Variants in NRG3 observed in about 807,000 individuals in gnomAD.
NRG3 encodes pro-neuregulin-3, membrane-bound isoform.
In NRG3, 31 loss-of-function variants were observed where a neutral mutation model predicts 66.9. That is an observed-to-expected ratio of 0.46 (90% CI 0.35 to 0.63). The LOEUF is 0.63. Ranked by LOEUF, NRG3 falls within the 20% of genes least tolerant of loss-of-function variation. The pLI, the probability that NRG3 is intolerant of heterozygous loss-of-function variation, is 0.00. For missense variants in NRG3, 910 were observed against 878.9 expected (o/e 1.04, Z -0.45); for synonymous variants, 393 against 359.4 (o/e 1.09, Z -1.06).
intron 1 of NRG3, among the ~76,000 whole-genome samples, chr10:82,119,335 C>T (rs1271923087): frequency 2.0e-5 from 3 of 152,084 alleles, no homozygotes; most frequent in Non-Finnish European, 4.4e-5. Context: ...CTCTTTCTTT[C>T]TCTATTGACT....
At chr10:82,196,029 T>G (rs2074429941) in intron 1 of NRG3, among the ~76,000 whole-genome samples, 1 of 152,204 alleles carries the variant, frequency 6.6e-6, no homozygotes, top group Non-Finnish European at 1.5e-5. Context: ...TGTGTGCTGT[T>G]TTAAGCCATA....
chr10:82,940,328 CCT>C (rs1480486239), intron 4 of NRG3, among the ~76,000 whole-genome samples: 1 of 152,098 alleles, frequency 6.6e-6, no homozygotes, highest in African/African-American at 2.4e-5. Flanking sequence ...CTCTTTCTTG[CCT>C]CTTTCTTAGC....
rs565068194 is a variant in NRG3 at position 82,594,446 on chromosome 10, C to A, written c.954-144131C>A. Among the ~76,000 whole-genome samples, 3 of 152,104 alleles carry A rather than the reference C, an allele frequency of 2.0e-5. 1 individual carries two copies. The South Asian group carries it at 6.2e-4, about 32-fold the overall frequency. ...TTATTGGAGAAAAGTACAAGGATTT[C>A]TCAAAAATCATTTAAATGGTAACAT... is the stretch of plus-strand genomic sequence containing the variant. On this transcript the variant is annotated intron_variant, in intron 2 of 8. Coordinates refer to ENST00000372141, the MANE Select transcript of NRG3 (RefSeq NM_001010848.4).
At chr10:82,792,740 G>T (rs2060637351) in intron 3 of NRG3, among the ~76,000 whole-genome samples, 1 of 151,926 alleles carries the variant, frequency 6.6e-6, no homozygotes, top group Non-Finnish European at 1.5e-5. Context: ...GAGTGCAATG[G>T]CATGCCCTCA....
At chr10:82,776,229 A>G (rs989956933) in intron 3 of NRG3, among the ~76,000 whole-genome samples, 2 of 152,150 alleles carry the variant, frequency 1.3e-5, no homozygotes, top group Non-Finnish European at 2.9e-5. Context: ...TTCTTCTTTC[A>G]GCACTTTGAC....
intron 3 of NRG3, among the ~76,000 whole-genome samples, chr10:82,783,074 A>C (rs541360905): frequency 1.3e-5 from 2 of 152,318 alleles, no homozygotes; most frequent in South Asian, 2.1e-4. Context: ...CAATAAATGT[A>C]ATCCAGCATA....
At chr10:82,826,549 G>A (rs1039935439) in intron 3 of NRG3, among the ~76,000 whole-genome samples, 1 of 152,166 alleles carries the variant, frequency 6.6e-6, no homozygotes, top group African/African-American at 2.4e-5. Flanking sequence ...AGAAAATGTG[G>A]TACATATATA....
chr10:82,669,023 C>T (rs1355765314), intron 2 of NRG3, among the ~76,000 whole-genome samples: 1 of 152,068 alleles, frequency 6.6e-6, no homozygotes, highest in Non-Finnish European at 1.5e-5. Context: ...CCCTTCTCCT[C>T]GTTCTTCTTT....
chr10:82,318,037 C>T (rs1352717172), intron 1 of NRG3, among the ~76,000 whole-genome samples: 1 of 151,528 alleles, frequency 6.6e-6, no homozygotes, highest in Non-Finnish European at 1.5e-5. Flanking sequence ...CAAAATGGGG[C>T]AGGGGAACAA....
chr10:82,839,648 T>A (rs1399371503), intron 3 of NRG3, among the ~76,000 whole-genome samples: 1 of 151,752 alleles, frequency 6.6e-6, no homozygotes, highest in Non-Finnish European at 1.5e-5. Context: ...TATTTTTAGT[T>A]ATAATTTTAA....
At chr10:82,002,124 G>T (rs1477541078) in intron 1 of NRG3, among the ~76,000 whole-genome samples, 3 of 152,082 alleles carry the variant, frequency 2.0e-5, no homozygotes, top group African/African-American at 7.2e-5. Flanking sequence ...ATCCCTAATT[G>T]TATAAACTAA....
chr10:82,085,637 C>CT (rs953026372), intron 1 of NRG3, among the ~76,000 whole-genome samples: 8 of 149,340 alleles, frequency 5.4e-5, no homozygotes, highest in African/African-American at 1.5e-4. Context: ...CCATTCACCT[C>CT]TTTTTTTTTT....
At chr10:82,606,002 G>C (rs910287807) in intron 2 of NRG3, among the ~76,000 whole-genome samples, 1 of 151,870 alleles carries the variant, frequency 6.6e-6, no homozygotes, top group Admixed American at 6.6e-5. Context: ...GATTTTCTCT[G>C]TTGATTTCCC....
chr10:82,716,338 A>G (rs2056972476), intron 2 of NRG3, among the ~76,000 whole-genome samples: 1 of 152,164 alleles, frequency 6.6e-6, no homozygotes, highest in Non-Finnish European at 1.5e-5. Flanking sequence ...TTCCCCGTGA[A>G]CCTAGTTGTT....
intron 1 of NRG3, among the ~76,000 whole-genome samples, chr10:82,063,981 A>G (rs1158959597): frequency 1.3e-5 from 2 of 152,210 alleles, no homozygotes; most frequent in African/African-American, 4.8e-5. Flanking sequence ...TATTTCTGAA[A>G]GGAATCTTCT....
rs933496354 is a variant in NRG3 at position 82,760,898 on chromosome 10, T to G, written c.1027+22248T>G. Among the ~76,000 whole-genome samples the G allele has an allele frequency of 3.9e-5, 6 of 152,036 alleles. No homozygotes were observed. The South Asian group carries it at 1.2e-3, about 31-fold the overall frequency. On this transcript the variant is annotated intron_variant, in intron 3 of 8. Coordinates refer to ENST00000372141, the MANE Select transcript of NRG3 (RefSeq NM_001010848.4). ...GTATATTACAAATGTAAACTAAGTA[T>G]ATATTGTAAAAAAATTAAAAATATC... is the stretch of plus-strand genomic sequence containing the variant.
chr10:82,084,812 C>T (rs1235972195), intron 1 of NRG3, among the ~76,000 whole-genome samples: 1 of 152,078 alleles, frequency 6.6e-6, no homozygotes, highest in East Asian at 1.9e-4. Context: ...ATTGTCAGCT[C>T]CACTGAGTGC....
At chr10:82,281,042 T>C (rs2134439933) in intron 1 of NRG3, among the ~76,000 whole-genome samples, 1 of 152,324 alleles carries the variant, frequency 6.6e-6, no homozygotes, top group South Asian at 2.1e-4. Context: ...AAATGGCCCT[T>C]GTACAGAAAT....
chr10:81,884,380 G>A (rs566380860), intron 1 of NRG3, among the ~76,000 whole-genome samples: 7 of 152,150 alleles, frequency 4.6e-5, no homozygotes, highest in East Asian at 3.9e-4. Flanking sequence ...CAGATGTTTC[G>A]GTAAAAGATA....
Sources: allele counts gnomAD v4.1 joint callset (sites outside exome capture counted in the v4.1 genomes callset), GRCh38; gene constraint gnomAD v4.1.1; transcripts MANE v1.5; gene names NCBI Gene and HGNC (gene_info 2026-07-23, HGNC 2026-07-21).